The following NIPSNAP2 variants were observed in gnomAD, a reference collection of about 807,000 sequenced individuals.
NIPSNAP2 encodes nipsnap homolog 2.
A neutral mutation model predicts 48.4 loss-of-function variants in NIPSNAP2; 42 were observed. The observed-to-expected ratio is 0.87, with a 90% CI of 0.68 to 1.12. The LOEUF (loss-of-function observed/expected upper bound fraction) is 1.12, where lower values mean the gene tolerates loss of function less well. NIPSNAP2 is among the 50% of genes most tolerant of loss of function. The probability of loss-of-function intolerance (pLI) is 0.00; values close to 1 mark genes in which losing one functional copy is unlikely to be tolerated. For synonymous variants in NIPSNAP2, 158 were observed against 126.6 expected (o/e 1.25, Z -1.67); for missense variants, 314 against 347.3 (o/e 0.90, Z 0.76).
intron 1 of NIPSNAP2, among the ~76,000 whole-genome samples, chr7:55,970,978 T>C (rs1483679860): frequency 2.6e-5 from 4 of 152,194 alleles, no homozygotes; most frequent in Admixed American, 1.3e-4. Context: ...AGGTTTTTCC[T>C]GTGAGACTGA....
intron 7 of NIPSNAP2, among the ~76,000 whole-genome samples, chr7:55,994,131 G>T (rs1485385719): frequency 6.6e-6 from 1 of 152,124 alleles, no homozygotes; most frequent in Admixed American, 6.6e-5. Flanking sequence ...TTAACGCCCT[G>T]CCCCAGGGGT....
Position 55,999,408 on chromosome 7 carries a change from T to C in NIPSNAP2, c.*336T>C, listed in dbSNP as rs976549771. ...TAAGATTCCAACCACAAAAAAAATT[T>C]AGCCATTTCTTTACTAAAAAAAACC... On this transcript the variant is annotated 3_prime_UTR_variant, in exon 10 of 10. Coordinates refer to ENST00000322090, the MANE Select transcript of NIPSNAP2 (RefSeq NM_001483.3). 3 of 193,674 alleles carry C rather than the reference T, an allele frequency of 1.5e-5. No individual in the cohort carries two copies. Among genetic ancestry groups the C allele is most frequent in the Non-Finnish European group, 3.1e-5 (3 of 95,858 alleles). The allele number at this position is 193,674 out of a possible 1,614,324, so 12.0% of individuals were successfully genotyped here.
intron 1 of NIPSNAP2, among the ~76,000 whole-genome samples, chr7:55,968,749 G>A (rs766861763): frequency 2.0e-5 from 3 of 152,084 alleles, no homozygotes; most frequent in Non-Finnish European, 4.4e-5. Flanking sequence ...TATAGGGCCG[G>A]GTGTGGTGGT....
chr7:55,976,213 C>T (rs62456650), intron 1 of NIPSNAP2, among the ~76,000 whole-genome samples: 37 of 152,282 alleles, frequency 2.4e-4, no homozygotes, highest in Middle Eastern at 3.4e-3. Context: ...TGTTCTGTGC[C>T]GGCTTTTTTA....
intron 7 of NIPSNAP2, among the ~76,000 whole-genome samples, chr7:55,992,481 C>G (rs1787473968): frequency 6.6e-6 from 1 of 152,100 alleles, no homozygotes; most frequent in African/African-American, 2.4e-5. Context: ...CAGAGTGAGT[C>G]TCTGTCTTAA....
In NIPSNAP2 at chr7:55,997,423, G is replaced by C; in HGVS notation, c.770G>C (p.Gly257Ala). The C allele has an allele frequency of 6.2e-7, 1 of 1,613,666 alleles. No homozygotes were observed. Among genetic ancestry groups the C allele is most frequent in the Non-Finnish European group, 8.5e-7 (1 of 1,179,630 alleles). ...DIRNAAWHKH[G>A]WEELVYYTVP... ...CGGAATGCAGCATGGCACAAACATG[G>C]CTGGGAGGAATTGGTATATTACACA... The change falls in exon 9 of 10, where the codon GGC becomes GCC. Residue 257 changes from glycine to alanine, a missense_variant. By Grantham distance (60) the Gly-to-Ala change is moderately conservative (BLOSUM62 0). Around this residue, in one of 2 missense-constraint regions of NIPSNAP2, gnomAD observed 116 missense variants for 161.8 expected, o/e 0.72. Transcript: ENST00000322090.
intron 8 of NIPSNAP2, among the ~76,000 whole-genome samples, chr7:55,995,270 C>CCA (rs567149080): frequency 1.6e-3 from 249 of 152,278 alleles, no homozygotes; most frequent in African/African-American, 5.8e-3. Context: ...GTCAAGAGTG[C>CCA]CTTCCACAGA....
intron 3 of NIPSNAP2, chr7:55,980,020 ATG>A (rs1241813693): frequency 2.7e-6 from 1 of 366,678 alleles, no homozygotes; most frequent in Non-Finnish European, 5.4e-6. Flanking sequence ...CACCTGAATC[ATG>A]TGTACTGGGC....
intron 5 of NIPSNAP2, 71 bp from the exon 6 acceptor site, chr7:55,983,657 A>T (rs960765485): frequency 3.2e-5 from 49 of 1,508,032 alleles, no homozygotes; most frequent in Admixed American, 1.4e-4. Context: ...CTGTAGGAAC[A>T]TCAATGTTAC....
chr7:55,986,622 A>G (rs972839898), intron 7 of NIPSNAP2, among the ~76,000 whole-genome samples: 1 of 152,082 alleles, frequency 6.6e-6, no homozygotes. Context: ...AGATCACCCC[A>G]TTGCACTATA....
intron 1 of NIPSNAP2, among the ~76,000 whole-genome samples, chr7:55,975,332 A>AACAGAGTAAG (rs1173583213): frequency 4.6e-5 from 7 of 152,200 alleles, no homozygotes; most frequent in Admixed American, 4.6e-4. Flanking sequence ...CAGCCTGGGC[A>AACAGAGTAAG]ACAGAGTAAG....
chr7:55,976,285 C>T (rs75276564), intron 1 of NIPSNAP2, among the ~76,000 whole-genome samples: 6,703 of 152,188 alleles, frequency 0.044, 179 homozygotes, highest in Admixed American at 0.062. Flanking sequence ...TTCTTTTTAT[C>T]GAGTGCATAT....
chr7:55,997,227 C>A, intron 8 of NIPSNAP2, 139 bp from the exon 9 acceptor site: 1 of 527,954 alleles, frequency 1.9e-6, no homozygotes, highest in Non-Finnish European at 3.4e-6. Context: ...CTCAGAATTT[C>A]CCCAGCCCAG....
At chr7:55,997,611 A>C (rs759417879) in intron 9 of NIPSNAP2, among the ~76,000 whole-genome samples, 162 bp downstream of exon 9, 1 of 152,190 alleles carries the variant, frequency 6.6e-6, no homozygotes, top group Non-Finnish European at 1.5e-5. Context: ...TCTAATACTT[A>C]CATGACTTTT....
chr7:55,982,292 G>GA lies in NIPSNAP2; in HGVS notation c.444+17dup. On this transcript the variant is annotated intron_variant, in intron 5 of 9. Coordinates refer to ENST00000322090, the MANE Select transcript of NIPSNAP2 (RefSeq NM_001483.3). Reference sequence around the variant, plus strand: ...TCAGAGAAAATAAGGTAATGATATTGAAAAATGTTTACTTAGACTAATGAT... The same window carrying GA: ...TCAGAGAAAATAAGGTAATGATATTGAAAAAATGTTTACTTAGACTAATGAT... 6.6e-7 allele frequency: 1 copy of GA among 1,515,708 alleles called. No individual in the cohort carries two copies. The highest frequency in any genetic ancestry group is 1.4e-5 in the African/African-American group (1 of 72,988). 93.9% of individuals were successfully genotyped at this position (1,515,708 alleles called of 1,614,324 possible).
intron 7 of NIPSNAP2, among the ~76,000 whole-genome samples, chr7:55,986,276 G>A (rs113609822): frequency 2.0e-5 from 3 of 152,242 alleles, no homozygotes; most frequent in African/African-American, 7.2e-5. Context: ...GCTGAGGTGG[G>A]AGGATCACCT....
At chr7:55,986,995 A>C (rs932437282) in intron 7 of NIPSNAP2, among the ~76,000 whole-genome samples, 71 of 148,844 alleles carry the variant, frequency 4.8e-4, no homozygotes, top group African/African-American at 1.5e-3. Flanking sequence ...AAAAAAAAAA[A>C]AAAAAAAAAA....
chr7:55,991,765 A>AAATATATATATATATATATATATAT, intron 7 of NIPSNAP2: 1 of 146,924 alleles, frequency 6.8e-6, no homozygotes, highest in Non-Finnish European at 1.3e-5. Flanking sequence ...AAAAAAAAAA[A>AAATATATATATATATATATATATAT]ATATATATAT....
chr7:55,978,513 A>G, intron 3 of NIPSNAP2, 118 bp downstream of exon 3: 2 of 942,678 alleles, frequency 2.1e-6, no homozygotes, highest in Non-Finnish European at 3.1e-6. Flanking sequence ...TTGAAGCTGA[A>G]CATTCAGAGG....
Sources: allele counts gnomAD v4.1 joint callset (sites outside exome capture counted in the v4.1 genomes callset), GRCh38; gene constraint gnomAD v4.1.1; regional missense constraint gnomAD v4.1.1; transcripts MANE v1.5; gene names NCBI Gene and HGNC (gene_info 2026-07-23, HGNC 2026-07-21).